Variants in ZC3H13 observed in about 807,000 individuals in gnomAD.
The protein encoded by ZC3H13 is zinc finger CCCH domain-containing protein 13.
In ZC3H13, 64 loss-of-function variants were observed where a neutral mutation model predicts 204.1. The observed-to-expected ratio is 0.31, with a 90% CI of 0.26 to 0.39. The LOEUF (loss-of-function observed/expected upper bound fraction) is 0.39, where lower values mean the gene tolerates loss of function less well. ZC3H13 is among the 10% of genes least tolerant of loss of function. ZC3H13 has a pLI of 1.00. For synonymous variants in ZC3H13, 667 were observed against 693.7 expected, an observed-to-expected ratio of 0.96 and a Z score of 0.60; for missense variants, 1,833 against 2,082.7, an observed-to-expected ratio of 0.88 and a Z score of 2.33.
chr13:45,965,373 C>T lies in ZC3H13; in HGVS notation c.4381G>A (p.Gly1461Arg). Residue 1461 changes from glycine to arginine, a missense_variant, in exon 16 of 19, where the codon GGA becomes AGA. By Grantham distance (125) the Gly-to-Arg change is moderately radical. Coordinates refer to ENST00000679008, the MANE Select transcript of ZC3H13 (RefSeq NM_001330564.2). ...TCGTCATCACTGATTGGCTCGTATCCTTCTCCAGCACCAGAGCCTAATGAA... is the reference window on the plus strand; with the variant it reads ...TCGTCATCACTGATTGGCTCGTATCTTTCTCCAGCACCAGAGCCTAATGAA... ...AHSLGSGAGEGYEPISDDELD... is the reference protein window; with the variant it reads ...AHSLGSGAGERYEPISDDELD... 6.2e-7 allele frequency: 1 copy of T among 1,613,684 alleles called. No homozygotes were observed. The highest frequency in any genetic ancestry group is 8.5e-7 in the Non-Finnish European group (1 of 1,179,770).
At chr13:46,014,061 T>C (rs2041751321) in intron 5 of ZC3H13, among the ~76,000 whole-genome samples, 1 of 152,196 alleles carries the variant, frequency 6.6e-6, no homozygotes, top group Non-Finnish European at 1.5e-5. Context: ...TCTCTGGCAG[T>C]AGCAATGCAA....
At chr13:45,983,399 ACT>A (rs1566201795) in intron 10 of ZC3H13, among the ~76,000 whole-genome samples, 1 of 43,290 alleles carries the variant, frequency 2.3e-5, no homozygotes, top group Non-Finnish European at 3.7e-5. Context: ...AGCCCCTTCT[ACT>A]TATATATATA....
intron 8 of ZC3H13, among the ~76,000 whole-genome samples, chr13:45,995,582 CCCA>C (rs1233732538): frequency 1.3e-5 from 2 of 152,174 alleles, no homozygotes; most frequent in African/African-American, 4.8e-5. Context: ...ACACCCACAC[CCCA>C]CATTATTCTA....
rs369466897 is a variant in ZC3H13 at position 46,045,509 on chromosome 13, T to C, written c.-2A>G. On this transcript the variant is annotated 5_prime_UTR_variant, in exon 2 of 19. Coordinates refer to ENST00000679008, the MANE Select transcript of ZC3H13 (RefSeq NM_001330564.2). ...GACCTTCCTTCTAATTTTTGACATT[T>C]TGTACTACTTCAACCAAAAAAGAAA... The C allele has an allele frequency of 2.0e-5, 32 of 1,611,260 alleles. No individual in the cohort carries two copies. The highest frequency in any genetic ancestry group is 2.5e-5 in the Non-Finnish European group (29 of 1,177,550).
chr13:46,017,957 A>G (rs1410912210), intron 5 of ZC3H13, among the ~76,000 whole-genome samples: 1 of 152,170 alleles, frequency 6.6e-6, no homozygotes, highest in South Asian at 2.1e-4. Flanking sequence ...CTTTTAAAAG[A>G]ATTTCCTATA....
At chr13:45,994,627 G>A (rs1217333946) in intron 8 of ZC3H13, among the ~76,000 whole-genome samples, 2 of 152,166 alleles carry the variant, frequency 1.3e-5, no homozygotes, top group Admixed American at 1.3e-4. Context: ...CCTGCCGCAC[G>A]CATGTGGATT....
chr13:45,980,257 T>C (rs983778427), intron 10 of ZC3H13, among the ~76,000 whole-genome samples: 3 of 151,868 alleles, frequency 2.0e-5, no homozygotes, highest in Non-Finnish European at 4.4e-5. Context: ...AATAATAAGA[T>C]TCATTAAAAT....
chr13:45,959,326 T>G (rs1342606860), intron 18 of ZC3H13, among the ~76,000 whole-genome samples, 157 bp downstream of exon 18: 1 of 152,224 alleles, frequency 6.6e-6, no homozygotes, highest in East Asian at 1.9e-4. Flanking sequence ...TAAAGCATAT[T>G]ATACATTTTA....
rs565434150 is a variant in ZC3H13 at position 46,014,321 on chromosome 13, T to C, written c.449-2767A>G. On this transcript the variant is annotated intron_variant, in intron 5 of 18. Transcript: ENST00000679008. ...TCTAGGTTTTAAGCCCTGCATGCAT[T>C]AAGTACTTGTCCTAATGCTCTCCCT... Among the ~76,000 whole-genome samples, 43 of 152,164 alleles carry C rather than the reference T, an allele frequency of 2.8e-4. No homozygotes were observed. The Middle Eastern group carries it at 0.017, about 60-fold the overall frequency.
chr13:46,038,461 C>A (rs915756611), intron 4 of ZC3H13, among the ~76,000 whole-genome samples: 1 of 152,166 alleles, frequency 6.6e-6, no homozygotes, highest in African/African-American at 2.4e-5. Context: ...AATTTGATAA[C>A]CACAAGATCA....
Position 45,969,223 on chromosome 13 carries a change from C to G in ZC3H13, c.3321G>C (p.Val1107=). 1 of 1,613,982 alleles carries G rather than the reference C, an allele frequency of 6.2e-7. No homozygotes were observed. Among genetic ancestry groups the G allele is most frequent in the Non-Finnish European group, 8.5e-7 (1 of 1,179,958 alleles). The change falls in exon 14 of 19, where the codon GTG becomes GTC. Residue 1107 remains valine (V), a synonymous_variant. Transcript: ENST00000679008. ...GCACAGTTGTAGCAGTGGCAGTAGCCACAGGCGGTGGAGGAGGAAGAAGAG... is the reference window on the plus strand; with the variant it reads ...GCACAGTTGTAGCAGTGGCAGTAGCGACAGGCGGTGGAGGAGGAAGAAGAG... ...LSSLLPPPPP[V]ATATATTVPA...
chr13:46,014,018 G>A (rs1279832732), intron 5 of ZC3H13, among the ~76,000 whole-genome samples: 1 of 152,054 alleles, frequency 6.6e-6, no homozygotes, highest in Non-Finnish European at 1.5e-5. Flanking sequence ...AATATTAATT[G>A]TTGGTAAAGG....
Position 45,968,937 on chromosome 13 carries a change from A to G in ZC3H13, c.3607T>C (p.Ser1203Pro), listed in dbSNP as rs1952325470. 1.9e-6 allele frequency: 3 copies of G among 1,614,180 alleles called. No homozygotes were observed. The highest frequency in any genetic ancestry group is 2.5e-6 in the Non-Finnish European group (3 of 1,180,032). The change falls in exon 14 of 19, where the codon TCT becomes CCT. Residue 1203 changes from serine (S) to proline (P), a missense_variant. Ser to Pro is a moderately conservative substitution (Grantham distance 74, BLOSUM62 -1). Transcript: ENST00000679008. Reference sequence around the variant, plus strand: ...TTGGATGGGGAGCGAAGACGACCAGACGTATGACTACGGTTACTCCGATTG... The same window carrying G: ...TTGGATGGGGAGCGAAGACGACCAGGCGTATGACTACGGTTACTCCGATTG... ...GSNRSNRSHT[S>P]GRLRSPSNDS...
intron 9 of ZC3H13, among the ~76,000 whole-genome samples, chr13:45,986,990 A>G (rs1479917486): frequency 1.3e-5 from 2 of 152,160 alleles, no homozygotes; most frequent in African/African-American, 2.4e-5. Context: ...AAGATCTGAC[A>G]TATCTCCATC....
intron 4 of ZC3H13, among the ~76,000 whole-genome samples, chr13:46,032,838 C>T (rs1388586650): frequency 6.6e-6 from 1 of 151,960 alleles, no homozygotes. Flanking sequence ...TATAGCTTTG[C>T]ATACTGCTAT....
chr13:45,985,972 C>T (rs1254002490), intron 9 of ZC3H13, among the ~76,000 whole-genome samples: 1 of 152,158 alleles, frequency 6.6e-6, no homozygotes, highest in Non-Finnish European at 1.5e-5. Flanking sequence ...TCCTCTGCCC[C>T]AACTTACCTA....
intron 17 of ZC3H13, chr13:45,963,562 A>G: frequency 8.6e-7 from 1 of 1,163,794 alleles, no homozygotes. Flanking sequence ...AGCTGTGACT[A>G]CAGACATGCA....
intron 13 of ZC3H13, 23 bp downstream of exon 13, chr13:45,970,339 G>A (rs779327189): frequency 2.5e-6 from 4 of 1,605,920 alleles, no homozygotes; most frequent in Admixed American, 3.3e-5. Context: ...AATATAGAGA[G>A]ACAGAAAACA....
chr13:45,990,242 C>T (rs1010437095), intron 8 of ZC3H13, among the ~76,000 whole-genome samples: 1 of 152,140 alleles, frequency 6.6e-6, no homozygotes, highest in African/African-American at 2.4e-5. Context: ...TAAAAAATTA[C>T]TCCAGACATT....
Sources: gnomAD v4.1 joint callset for allele counts (sites outside exome capture counted in the v4.1 genomes callset) on GRCh38, gnomAD v4.1.1 for gene constraint, MANE v1.5 for transcripts, NCBI Gene and HGNC (gene_info 2026-07-23, HGNC 2026-07-21) for gene names.